The following NR3C2 variants were observed in gnomAD, a reference collection of about 807,000 sequenced individuals.
NR3C2 encodes mineralocorticoid receptor.
NR3C2 carries 15 observed loss-of-function variants against 86.4 expected under a neutral mutation model. The ratio of observed to expected loss-of-function variants is 0.17; its 90% confidence interval spans 0.12 to 0.27. The LOEUF is 0.27. NR3C2 is among the 10% of genes least tolerant of loss of function. The pLI is 1.00. For missense variants in NR3C2, 960 were observed against 1,195.6 expected (o/e 0.80, Z 2.91); for synonymous variants, 458 against 450.5 (o/e 1.02, Z -0.21).
intron 3 of NR3C2, among the ~76,000 whole-genome samples, chr4:148,255,224 T>C (rs2149865735): frequency 6.6e-6 from 1 of 152,308 alleles, no homozygotes; most frequent in Middle Eastern, 3.4e-3. Flanking sequence ...GTTTACTCAT[T>C]AATTTTAAAG....
At chr4:148,148,741 C>T (rs1177419084) in intron 6 of NR3C2, among the ~76,000 whole-genome samples, 2 of 152,194 alleles carry the variant, frequency 1.3e-5, no homozygotes, top group African/African-American at 2.4e-5. Flanking sequence ...CCATTAACTG[C>T]TCTCAGAGCA....
chr4:148,413,296 C>G (rs550655744), intron 2 of NR3C2, among the ~76,000 whole-genome samples: 1 of 152,146 alleles, frequency 6.6e-6, no homozygotes, highest in Non-Finnish European at 1.5e-5. Context: ...GCATCATTTC[C>G]TAAAGTAACT....
intron 4 of NR3C2, among the ~76,000 whole-genome samples, chr4:148,155,245 G>A (rs539192186): frequency 8.5e-5 from 13 of 152,318 alleles, no homozygotes; most frequent in African/African-American, 2.6e-4. Context: ...GAGGACTTAA[G>A]AAATGTACCA....
chr4:148,348,434 G>A lies in NR3C2; in HGVS notation c.1757+86670C>T, dbSNP rs61761520. ...TTAGAAACTATCTAGAGCATAGGAC[G>A]TGCTCAGAAAATATTAGTAGAATAA... On this transcript the variant is annotated intron_variant, in intron 2 of 8. Coordinates refer to ENST00000358102, the MANE Select transcript of NR3C2 (RefSeq NM_000901.5). 7.6e-4 allele frequency among the ~76,000 whole-genome samples: 115 copies of A among 152,224 alleles called. 1 individual carries two copies. The South Asian group carries it at 9.3e-3, about 12-fold the overall frequency.
At chr4:148,407,543 G>C (rs985094583) in intron 2 of NR3C2, among the ~76,000 whole-genome samples, 2 of 152,112 alleles carry the variant, frequency 1.3e-5, no homozygotes, top group Non-Finnish European at 2.9e-5. Context: ...CAGTGTTAAA[G>C]TCTGTATAAA....
intron 3 of NR3C2, among the ~76,000 whole-genome samples, chr4:148,238,372 C>CA (rs869143381): frequency 2.0e-5 from 3 of 151,606 alleles, no homozygotes; most frequent in Admixed American, 6.6e-5. Flanking sequence ...GCAACAACAA[C>CA]AAAAAAAAGT....
intron 8 of NR3C2, among the ~76,000 whole-genome samples, chr4:148,112,410 A>C (rs1422188978): frequency 1.3e-5 from 2 of 152,348 alleles, no homozygotes; most frequent in African/African-American, 2.4e-5. Flanking sequence ...CTTTCAATGA[A>C]ATTAACAGAC....
At chr4:148,255,134 TGA>T (rs1186408568) in intron 3 of NR3C2, among the ~76,000 whole-genome samples, 1 of 152,090 alleles carries the variant, frequency 6.6e-6, no homozygotes, top group Non-Finnish European at 1.5e-5. Flanking sequence ...CTCTTGCTCA[TGA>T]GTGTGTGCAC....
At chr4:148,358,221 C>T (rs1197378998) in intron 2 of NR3C2, among the ~76,000 whole-genome samples, 5 of 152,034 alleles carry the variant, frequency 3.3e-5, no homozygotes, top group Non-Finnish European at 1.5e-5. Flanking sequence ...GGAACCAACC[C>T]AAATGTCCAA....
chr4:148,427,219 G>T (rs183568809), intron 2 of NR3C2, among the ~76,000 whole-genome samples: 23 of 152,072 alleles, frequency 1.5e-4, no homozygotes, highest in Admixed American at 1.2e-3. Flanking sequence ...CCACCCAAAA[G>T]GCTGGGATTA....
At chr4:148,419,030 T>C (rs530843794) in intron 2 of NR3C2, among the ~76,000 whole-genome samples, 1 of 152,328 alleles carries the variant, frequency 6.6e-6, no homozygotes, top group South Asian at 2.1e-4. Context: ...CCTCATCTTT[T>C]TCAAATGTAT....
chr4:148,435,201 T>C lies in NR3C2; in HGVS notation c.1660A>G (p.Asn554Asp). Reference sequence around the variant, plus strand: ...GATTTCCATGACTCCACTAAAGTATTGACAGGAGGAAAGGAACTCAGGTGT... The same window carrying C: ...GATTTCCATGACTCCACTAAAGTATCGACAGGAGGAAAGGAACTCAGGTGT... ...FQHLSSFPPVNTLVESWKSHG... is the reference protein window; with the variant it reads ...FQHLSSFPPVDTLVESWKSHG... The change falls in exon 2 of 9, where the codon AAT (asparagine) becomes GAT (aspartate). Residue 554 changes from asparagine to aspartate, a missense_variant. Asn to Asp is a conservative substitution (Grantham distance 23). Around this residue, in one of 4 missense-constraint regions of NR3C2, gnomAD observed 680 missense variants for 719.0 expected, o/e 0.95. Transcript: ENST00000358102. 1.2e-6 allele frequency: 2 copies of C among 1,614,162 alleles called. No homozygotes were observed. The highest frequency in any genetic ancestry group is 1.7e-6 in the Non-Finnish European group (2 of 1,180,030).
At chr4:148,133,564 G>C (rs1733135128) in intron 6 of NR3C2, among the ~76,000 whole-genome samples, 1 of 152,184 alleles carries the variant, frequency 6.6e-6, no homozygotes, top group Non-Finnish European at 1.5e-5. Context: ...AAGGGTGACA[G>C]GAAATTACTT....
intron 4 of NR3C2, among the ~76,000 whole-genome samples, chr4:148,169,842 A>T (rs1301278033): frequency 6.6e-6 from 1 of 152,226 alleles, no homozygotes; most frequent in African/African-American, 2.4e-5. Context: ...GAGTATCTAC[A>T]AGTGGAGGCT....
At chr4:148,437,778 C>A (rs540343266) in intron 1 of NR3C2, among the ~76,000 whole-genome samples, 14 of 152,130 alleles carry the variant, frequency 9.2e-5, no homozygotes, top group Non-Finnish European at 1.9e-4. Flanking sequence ...CAAGTGCCTG[C>A]TACACCCTTG....
At chr4:148,195,676 T>C (rs756955540) in intron 3 of NR3C2, among the ~76,000 whole-genome samples, 36 of 152,190 alleles carry the variant, frequency 2.4e-4, no homozygotes, top group Non-Finnish European at 3.4e-4. Flanking sequence ...ATCAGTCCTA[T>C]AGATGTTCAG....
chr4:148,429,739 T>C (rs1357935841), intron 2 of NR3C2, among the ~76,000 whole-genome samples: 3 of 152,260 alleles, frequency 2.0e-5, no homozygotes, highest in African/African-American at 7.2e-5. Flanking sequence ...CCATTTAACA[T>C]GCTTTTATTT....
At chr4:148,265,158 G>C (rs1033098963) in intron 2 of NR3C2, among the ~76,000 whole-genome samples, 1 of 152,128 alleles carries the variant, frequency 6.6e-6, no homozygotes, top group African/African-American at 2.4e-5. Context: ...ATTTCCATTT[G>C]TAAAGACAGT....
At chr4:148,134,643 C>CTTTTTTTTTTTTTTTTTTTTTTTTTT (rs1175816621) in intron 6 of NR3C2, among the ~76,000 whole-genome samples, 4 of 40,804 alleles carry the variant, frequency 9.8e-5, no homozygotes, top group East Asian at 1.6e-3. Flanking sequence ...CTCTCTCTCT[C>CTTTTTTTTTTTTTTTTTTTTTTTTTT]TTTTTTTTTT....
Sources: gnomAD v4.1 joint callset for allele counts (sites outside exome capture counted in the v4.1 genomes callset) on GRCh38, gnomAD v4.1.1 for gene constraint, gnomAD v4.1.1 regional missense constraint, MANE v1.5 for transcripts, NCBI Gene and HGNC (gene_info 2026-07-23, HGNC 2026-07-21) for gene names.